Variants in PSG3 observed in about 807,000 individuals in gnomAD.
PSG3 encodes pregnancy specific beta-1-glycoprotein 3.
Under a neutral mutation model 47.5 loss-of-function variants are expected in PSG3, and 61 were observed. The observed-to-expected ratio is 1.28, with a 90% CI of 1.05 to 1.59. PSG3 has a LOEUF of 1.59. Among genes scored for constraint, PSG3 ranks in the 40% most tolerant of loss-of-function variants. The pLI, the probability that PSG3 is intolerant of heterozygous loss-of-function variation, is 0.00. For missense variants in PSG3, 756 were observed against 524.0 expected, an observed-to-expected ratio of 1.44 and a Z score of -4.32; for synonymous variants, 263 against 198.4, an observed-to-expected ratio of 1.33 and a Z score of -2.74.
Position 42,738,873 on chromosome 19 carries a change from G to C in PSG3, c.281C>G (p.Ala94Gly). ...VDGQIIIYGP[A>G]YSGRETVYSN... is the part of the protein sequence containing the mutation. The stretch of plus-strand genomic sequence containing the variant: ...ATATACTGTTTCTCGTCCACTGTAT[G>C]CAGGCCCATATATAATTATTTGACC... Residue 94 changes from alanine (A) to glycine (G), a missense_variant, in exon 2 of 7, where the codon GCA becomes GGA. Coordinates refer to ENST00000327495, the MANE Select transcript of PSG3 (RefSeq NM_021016.4). The C allele has an allele frequency of 6.2e-7, 1 of 1,614,094 alleles. No homozygotes were observed. Among genetic ancestry groups the C allele is most frequent in the South Asian group, 1.1e-5 (1 of 91,084 alleles).
At chr19:42,740,209 C>T in intron 1 of PSG3, 112 bp downstream of exon 1, 1 of 1,599,550 alleles carries the variant, frequency 6.3e-7, no homozygotes, top group Non-Finnish European at 8.5e-7. Context: ...TCCTCAGCCT[C>T]CCTAAGTGCT....
At chr19:42,724,856 AT>A (rs1352995070) in intron 5 of PSG3, among the ~76,000 whole-genome samples, 1 of 151,276 alleles carries the variant, frequency 6.6e-6, no homozygotes, top group Non-Finnish European at 1.5e-5. Flanking sequence ...CTAGTGTTTT[AT>A]GTGTTACCTC....
chr19:42,723,203 C>G (rs562464754), intron 6 of PSG3, among the ~76,000 whole-genome samples: 1 of 152,200 alleles, frequency 6.6e-6, no homozygotes, highest in African/African-American at 2.4e-5. Context: ...TTCTGAGTCT[C>G]AGGTTCACAT....
intron 5 of PSG3, among the ~76,000 whole-genome samples, chr19:42,727,245 A>C (rs1016158778): frequency 6.6e-6 from 1 of 152,218 alleles, no homozygotes; most frequent in Non-Finnish European, 1.5e-5. Flanking sequence ...ATAGGCAACA[A>C]ATAAAATGGA....
At chr19:42,730,408 C>T (rs1394013768) in intron 3 of PSG3, among the ~76,000 whole-genome samples, 6 of 152,198 alleles carry the variant, frequency 3.9e-5, no homozygotes, top group Non-Finnish European at 5.9e-5. Context: ...GAATGTGCAA[C>T]TGGTGGGCCC....
rs1163400720 is a variant in PSG3 at position 42,739,261 on chromosome 19, C to A, written c.65-172G>T. 1.8e-5 allele frequency: 20 copies of A among 1,140,218 alleles called. No homozygotes were observed. In the East Asian group the frequency reaches 4.9e-4, roughly 28 times the overall value. 70.6% of individuals were successfully genotyped at this position (1,140,218 alleles called of 1,614,324 possible). ...GGGGCATGTGTATATGTGTTTGTGT[C>A]CTACTCTCCTACTAGGTGAAGGTCA... On this transcript the variant is annotated intron_variant, in intron 1 of 6. Transcript: ENST00000327495.
intron 5 of PSG3, 48 bp from the exon 6 acceptor site, chr19:42,724,073 A>G: frequency 6.4e-7 from 1 of 1,565,398 alleles, no homozygotes; most frequent in African/African-American, 1.4e-5. Flanking sequence ...ATGTTATTTT[A>G]CATGGGGGAG....
chr19:42,726,419 TAATA>T (rs976210118), intron 5 of PSG3, among the ~76,000 whole-genome samples: 6 of 152,128 alleles, frequency 3.9e-5, no homozygotes, highest in African/African-American at 1.4e-4. Context: ...CTATTAGAAT[TAATA>T]AATAAATTCA....
At position 42,740,428 on chromosome 19, in the gene PSG3, G is replaced by C; in HGVS notation, c.-44C>G. The C allele has an allele frequency of 6.2e-7, 1 of 1,613,764 alleles. No homozygotes were observed. The highest frequency in any genetic ancestry group is 8.5e-7 in the Non-Finnish European group (1 of 1,179,820). Reference sequence around the variant, plus strand: ...GTTCTCCTCTGTGGAGCTGAGCCTAGGATCCAGAAACTTCCTGAGCATGGC... The same window carrying C: ...GTTCTCCTCTGTGGAGCTGAGCCTACGATCCAGAAACTTCCTGAGCATGGC... On this transcript the variant is annotated 5_prime_UTR_variant, in exon 1 of 7. Transcript: ENST00000327495.
At position 42,740,371 on chromosome 19, in the gene PSG3, G is replaced by A. The variant is rs762495010; in HGVS notation, c.14C>T (p.Ser5Leu). MGPL[S>L]APPCTQRITW... The stretch of plus-strand genomic sequence containing the variant: ...GATGCGCTGTGTGCAGGGAGGGGCT[G>A]AGAGGGGCCCCATGGTCTCTGCTGC... The change falls in exon 1 of 7, where the codon TCA (serine) becomes TTA (leucine). Residue 5 changes from serine to leucine, a missense_variant. Ser to Leu is a moderately radical substitution (Grantham distance 145). Transcript: ENST00000327495. 3.1e-6 allele frequency: 5 copies of A among 1,614,030 alleles called. No homozygotes were observed. Among genetic ancestry groups the A allele is most frequent in the Non-Finnish European group, 4.2e-6 (5 of 1,179,906 alleles).
chr19:42,737,791 G>A (rs913350580), intron 2 of PSG3, among the ~76,000 whole-genome samples: 1 of 152,212 alleles, frequency 6.6e-6, no homozygotes, highest in African/African-American at 2.4e-5. Flanking sequence ...CTGGTTCAGT[G>A]ACTGTGGCTT....
intron 1 of PSG3, 91 bp from the exon 2 acceptor site, chr19:42,739,180 C>G (rs1305933768): frequency 5.4e-5 from 79 of 1,456,388 alleles, no homozygotes; most frequent in Middle Eastern, 2.0e-4. Flanking sequence ...TCTCTTCAAT[C>G]CTCAGCTTTG....
chr19:42,734,586 T>C (rs1338704195), intron 2 of PSG3, among the ~76,000 whole-genome samples: 1 of 152,202 alleles, frequency 6.6e-6, no homozygotes, highest in African/African-American at 2.4e-5. Flanking sequence ...ACATCTAAGA[T>C]CAATTGCTGG....
chr19:42,729,074 A>G, intron 5 of PSG3, 49 bp downstream of exon 5: 1 of 1,613,294 alleles, frequency 6.2e-7, no homozygotes, highest in East Asian at 2.2e-5. Context: ...TGAAAGCCAG[A>G]GAGACTCCAC....
chr19:42,729,486 G>T (rs200029769), intron 4 of PSG3, 109 bp from the exon 5 acceptor site: 6 of 1,512,964 alleles, frequency 4.0e-6, no homozygotes, highest in Non-Finnish European at 5.3e-6. Flanking sequence ...ACCCTCAAGT[G>T]CCAGCCAAAC....
At chr19:42,729,427 A>T (rs760341842) in intron 4 of PSG3, 50 bp from the exon 5 acceptor site, 9 of 1,577,218 alleles carry the variant, frequency 5.7e-6, no homozygotes, top group Non-Finnish European at 7.7e-6. Context: ...AGGGAAGGGG[A>T]TGCTCCTGGT....
chr19:42,725,890 CA>C (rs200684147), intron 5 of PSG3, among the ~76,000 whole-genome samples: 1,934 of 68,040 alleles, frequency 0.028, 12 homozygotes, highest in Admixed American at 0.065. Flanking sequence ...CAACAACAAC[CA>C]AAAAAAAAAA....
intron 2 of PSG3, among the ~76,000 whole-genome samples, chr19:42,735,179 A>T (rs1012865760): frequency 1.3e-5 from 2 of 152,190 alleles, no homozygotes; most frequent in Non-Finnish European, 2.9e-5. Context: ...AAATTTAAAA[A>T]TTGCTATTGT....
chr19:42,731,838 C>T (rs1465274368), intron 3 of PSG3: 1 of 151,224 alleles, frequency 6.6e-6, no homozygotes, highest in Non-Finnish European at 1.5e-5. Context: ...AATCATTTGA[C>T]TTTTTGGTTA....
Sources: gnomAD v4.1 joint callset for allele counts (sites outside exome capture counted in the v4.1 genomes callset) on GRCh38, gnomAD v4.1.1 for gene constraint, MANE v1.5 for transcripts, NCBI Gene and HGNC (gene_info 2026-07-23, HGNC 2026-07-21) for gene names.